ADGRF4: variants seen among roughly 807,000 people sequenced by gnomAD.
ADGRF4 encodes the protein adhesion G protein-coupled receptor F4, also known as G-protein coupled receptor PGR18.
ADGRF4 carries 63 observed loss-of-function variants against 58.5 expected under a neutral mutation model. The observed-to-expected ratio is 1.08, with a 90% CI of 0.88 to 1.33. The LOEUF (loss-of-function observed/expected upper bound fraction) is 1.33, where lower values mean the gene tolerates loss of function less well. ADGRF4 is among the 40% of genes most tolerant of loss of function. ADGRF4 has a pLI of 0.00. For synonymous variants in ADGRF4, 313 were observed against 295.4 expected, an observed-to-expected ratio of 1.06 and a Z score of -0.61; for missense variants, 931 against 843.9, an observed-to-expected ratio of 1.10 and a Z score of -1.28.
intron 9 of ADGRF4, among the ~76,000 whole-genome samples, chr6:47,719,699 C>T (rs777611059): frequency 3.3e-5 from 5 of 152,058 alleles, no homozygotes; most frequent in Admixed American, 6.6e-5. Flanking sequence ...AGAAGAAGTG[C>T]GTAGTGAAGG....
At chr6:47,703,407 G>T (rs79115563) in intron 1 of ADGRF4, among the ~76,000 whole-genome samples, 1 of 152,136 alleles carries the variant, frequency 6.6e-6, no homozygotes, top group Non-Finnish European at 1.5e-5. Flanking sequence ...GATCCCATTC[G>T]ACCCTTTCTG....
chr6:47,698,985 G>A (rs542110703), intron 1 of ADGRF4, among the ~76,000 whole-genome samples, 191 bp downstream of exon 1: 41 of 152,204 alleles, frequency 2.7e-4, no homozygotes, highest in African/African-American at 7.0e-4. Context: ...CCTCTTTTAC[G>A]TTTGTTTTTC....
In ADGRF4 at chr6:47,714,001, A is replaced by G. The variant is rs1351458332; in HGVS notation, c.756A>G (p.Ser252=). The G allele has an allele frequency of 6.2e-7, 1 of 1,604,726 alleles. No homozygotes were observed. Among genetic ancestry groups the G allele is most frequent in the African/African-American group, 1.3e-5 (1 of 74,492 alleles). ...GGTTTCACATCAACCATAATACCTC[A>G]GAGAAAAGCCTCAATTTCTCCATGA... ...TKGFHINHNT[S]EKSLNFSMSM... is the part of the protein sequence containing the mutation. Residue 252 remains serine, a synonymous_variant, in exon 6 of 10, where the codon TCA becomes TCG. Coordinates refer to ENST00000283303, the MANE Select transcript of ADGRF4 (RefSeq NM_153838.5).
At chr6:47,711,550 C>T (rs140268543) in intron 4 of ADGRF4, among the ~76,000 whole-genome samples, 156 of 152,304 alleles carry the variant, frequency 1.0e-3, no homozygotes, top group African/African-American at 3.5e-3. Flanking sequence ...CGTAAGCCAC[C>T]GCGCCGGGCC....
chr6:47,718,569 C>T (rs1772087358), intron 9 of ADGRF4, 124 bp downstream of exon 9: 4 of 689,606 alleles, frequency 5.8e-6, no homozygotes, highest in East Asian at 5.1e-5. Flanking sequence ...AAGAGGGGGA[C>T]ATCTTTTTCA....
At chr6:47,712,323 C>T in intron 4 of ADGRF4, 34 bp from the exon 5 acceptor site, 2 of 1,607,484 alleles carry the variant, frequency 1.2e-6, no homozygotes, top group Non-Finnish European at 1.7e-6. Flanking sequence ...GGTACTTAAT[C>T]ATTTTTGAAT....
At chr6:47,703,575 C>G (rs1001026078) in intron 1 of ADGRF4, among the ~76,000 whole-genome samples, 4 of 152,162 alleles carry the variant, frequency 2.6e-5, no homozygotes, top group African/African-American at 9.7e-5. Flanking sequence ...AGGAAATTTA[C>G]TATATAAATT....
intron 4 of ADGRF4, 78 bp downstream of exon 4, chr6:47,710,964 C>A: frequency 7.4e-7 from 1 of 1,343,284 alleles, no homozygotes; most frequent in Non-Finnish European, 1.0e-6. Flanking sequence ...GTGATCTGTT[C>A]AGCATGACAA....
At chr6:47,699,321 C>T (rs1771531737) in intron 1 of ADGRF4, among the ~76,000 whole-genome samples, 1 of 152,232 alleles carries the variant, frequency 6.6e-6, no homozygotes. Flanking sequence ...ATTCCTTATA[C>T]TCTGAAGACA....
At position 47,714,537 on chromosome 6, in the gene ADGRF4, T is replaced by C. The variant is rs146057211; in HGVS notation, c.1292T>C (p.Val431Ala). The change falls in exon 6 of 10, where the codon GTT becomes GCT. Residue 431 changes from valine (V) to alanine (A), a missense_variant. Coordinates refer to ENST00000283303, the MANE Select transcript of ADGRF4 (RefSeq NM_153838.5). ...GAAGCCACAGTGTGGTCCCGGGTGGTTGTGACGGAGATATCATACATGCGT... is the reference window on the plus strand; with the variant it reads ...GAAGCCACAGTGTGGTCCCGGGTGGCTGTGACGGAGATATCATACATGCGT... ...IIEATVWSRVVVTEISYMRHV... is the reference protein window; with the variant it reads ...IIEATVWSRVAVTEISYMRHV... 40 of 1,614,138 alleles carry C rather than the reference T, an allele frequency of 2.5e-5. No homozygotes were observed. The Admixed American group carries it at 2.7e-4, about 11-fold the overall frequency.
chr6:47,713,506 A>G (rs1301132594), intron 5 of ADGRF4, among the ~76,000 whole-genome samples: 1 of 152,158 alleles, frequency 6.6e-6, no homozygotes. Flanking sequence ...CCATTAAACA[A>G]TCATTAAAAT....
At chr6:47,708,665 T>C (rs753333005) in intron 3 of ADGRF4, among the ~76,000 whole-genome samples, 3 of 152,216 alleles carry the variant, frequency 2.0e-5, no homozygotes, top group Non-Finnish European at 1.5e-5. Flanking sequence ...GAGAACTCTA[T>C]TAAAGCACTG....
intron 9 of ADGRF4, 112 bp from the exon 10 acceptor site, chr6:47,721,094 TTAA>T (rs1772145095): frequency 6.6e-6 from 1 of 152,124 alleles, no homozygotes. Flanking sequence ...TAAAGCAGAG[TTAA>T]TAATAGTACA....
chr6:47,712,489 T>G lies in ADGRF4; in HGVS notation c.433T>G (p.Cys145Gly). Residue 145 changes from cysteine to glycine, a missense_variant, in exon 5 of 10, where the codon TGC (cysteine) becomes GGC (glycine). Physicochemically the swap from Cys to Gly is radical, Grantham distance 159. Transcript: ENST00000283303. ...TAAGAACTGCCCCTTTGATTATGCC[T>G]GCATCACTGACATGGTGAAATCATC... Reference protein sequence around the residue: ...IRKNCPFDYACITDMVKSSET... With the variant: ...IRKNCPFDYAGITDMVKSSET... 1 of 1,614,108 alleles carries G rather than the reference T, an allele frequency of 6.2e-7. No homozygotes were observed. Among genetic ancestry groups the G allele is most frequent in the South Asian group, 1.1e-5 (1 of 91,086 alleles).
Position 47,714,940 on chromosome 6 carries a change from G to T in ADGRF4, c.1695G>T (p.Pro565=), listed in dbSNP as rs528737219. The T allele has an allele frequency of 2.5e-6, 4 of 1,613,662 alleles. No homozygotes were observed. Among genetic ancestry groups the T allele is most frequent in the Non-Finnish European group, 3.4e-6 (4 of 1,179,618 alleles). The stretch of plus-strand genomic sequence containing the variant: ...AAGCCCTTTTAGCATTTGCCATCCC[G>T]GCGTTCGTCATTGTGGCTGTAAATC... The part of the protein sequence containing the change: ...NTKALLAFAI[P]AFVIVAVNLI... Residue 565 remains proline, a synonymous_variant, in exon 6 of 10, where the codon CCG becomes CCT. Transcript: ENST00000283303.
Position 47,721,266 on chromosome 6 carries a change from G to A in ADGRF4, c.*61G>A, listed in dbSNP as rs1284446007. 1 of 152,194 alleles carries A rather than the reference G, an allele frequency of 6.6e-6. No individual in the cohort carries two copies. The highest frequency in any genetic ancestry group is 1.9e-4 in the East Asian group (1 of 5,194). The allele number at this position is 152,194 out of a possible 1,614,324, so 9.4% of individuals were successfully genotyped here. A position where few individuals can be genotyped will look rare whatever the true frequency, so the allele number is the denominator to read the frequency against. ...AAGAGGGGAGATCCAGGAGAAAGAG[G>A]CCATGGAAAGCAGGCTGGAGTGAGG... is the stretch of plus-strand genomic sequence containing the variant. On this transcript the variant is annotated 3_prime_UTR_variant, in exon 10 of 10. Transcript: ENST00000283303.
At chr6:47,715,998 T>A (rs2396831) in intron 6 of ADGRF4, among the ~76,000 whole-genome samples, 10,783 of 70,912 alleles carry the variant, frequency 0.15, 1,521 homozygotes, top group East Asian at 0.68. Context: ...TTTTTTTTTT[T>A]TATCAAAGAC....
Position 47,714,444 on chromosome 6 carries a change from T to C in ADGRF4, c.1199T>C (p.Val400Ala). The C allele has an allele frequency of 6.2e-7, 1 of 1,614,152 alleles. No individual in the cohort carries two copies. The highest frequency in any genetic ancestry group is 8.5e-7 in the Non-Finnish European group (1 of 1,180,020). The part of the protein sequence containing the change: ...LMSSKSMTDK[V>A]LDYITCIGLS... ...TCCTCCAAATCGATGACCGACAAAG[T>C]TCTGGACTACATCACCTGCATTGGG... Residue 400 changes from valine to alanine, a missense_variant, in exon 6 of 10, where the codon GTT (valine) becomes GCT (alanine). By Grantham distance (64) the Val-to-Ala change is moderately conservative. Transcript: ENST00000283303.
chr6:47,721,043 A>G (rs549848279), intron 9 of ADGRF4, among the ~76,000 whole-genome samples, 166 bp from the exon 10 acceptor site: 6 of 152,316 alleles, frequency 3.9e-5, no homozygotes, highest in African/African-American at 1.4e-4. Flanking sequence ...TCTGACCTTG[A>G]GGAAATTACT....
Sources: gnomAD v4.1 joint callset for allele counts (sites outside exome capture counted in the v4.1 genomes callset) on GRCh38, gnomAD v4.1.1 for gene constraint, MANE v1.5 for transcripts, NCBI Gene and HGNC (gene_info 2026-07-23, HGNC 2026-07-21) for gene names.